The following ASIC2 variants were observed in gnomAD, a reference collection of about 807,000 sequenced individuals.
ASIC2 encodes acid sensing ion channel subunit 2, also known as acid-sensing ion channel 2.
Under a neutral mutation model 57.3 loss-of-function variants are expected in ASIC2, and 25 were observed. The ratio of observed to expected loss-of-function variants is 0.44; its 90% confidence interval spans 0.32 to 0.61. The LOEUF (loss-of-function observed/expected upper bound fraction) is 0.61. ASIC2 is among the 20% of genes least tolerant of loss of function. The probability of loss-of-function intolerance (pLI) is 0.06; values close to 1 mark genes in which losing one functional copy is unlikely to be tolerated. For missense variants in ASIC2, 641 were observed against 738.1 expected (o/e 0.87, Z 1.52); for synonymous variants, 319 against 307.5 (o/e 1.04, Z -0.39).
At chr17:33,310,006 G>A (rs1325245557) in intron 1 of ASIC2, among the ~76,000 whole-genome samples, 2 of 149,972 alleles carry the variant, frequency 1.3e-5, no homozygotes, top group Non-Finnish European at 3.0e-5. Flanking sequence ...TCAAAGTTGA[G>A]TAATAGAATA....
intron 1 of ASIC2, among the ~76,000 whole-genome samples, chr17:33,738,197 T>C (rs191402278): frequency 3.3e-5 from 5 of 152,298 alleles, no homozygotes; most frequent in African/African-American, 7.2e-5. Flanking sequence ...ATCTGGTCCA[T>C]ATTGCCACCC....
In ASIC2 at chr17:33,025,794, G is replaced by C. The variant is rs1053537149; in HGVS notation, c.1195+132C>G. ...TCCCATCCCTGCAGCAACTCCACCC[G>C]ACCAGCCCCTTTCTTCTCATCCTCT... On this transcript the variant is annotated intron_variant, in intron 5 of 9. Coordinates refer to ENST00000225823, the MANE Select transcript of ASIC2 (RefSeq NM_183377.2). The C allele has an allele frequency of 3.5e-6, 3 of 853,658 alleles. No homozygotes were observed. In the African/African-American group the frequency reaches 5.4e-5, roughly 15 times the overall value. The allele number at this position is 853,658 out of a possible 1,614,324, so 52.9% of individuals were successfully genotyped here. A position where few individuals can be genotyped will look rare whatever the true frequency, so the allele number is the denominator to read the frequency against.
intron 1 of ASIC2, among the ~76,000 whole-genome samples, chr17:33,324,194 G>C (rs1282818393): frequency 6.6e-6 from 1 of 152,184 alleles, no homozygotes; most frequent in Non-Finnish European, 1.5e-5. Flanking sequence ...ATTAAATCAA[G>C]CACTGTATTT....
intron 1 of ASIC2, among the ~76,000 whole-genome samples, chr17:33,231,880 A>G (rs1239768181): frequency 6.6e-6 from 1 of 152,174 alleles, no homozygotes; most frequent in Admixed American, 6.5e-5. Context: ...GGAGGGGGTG[A>G]GCAGGGAGCC....
intron 1 of ASIC2, among the ~76,000 whole-genome samples, chr17:34,028,993 G>T (rs1472413852): frequency 2.0e-5 from 3 of 152,094 alleles, no homozygotes; most frequent in African/African-American, 4.8e-5. Context: ...TCTTTAGATA[G>T]CCTTGTAGCT....
At chr17:33,263,522 C>T (rs990604368) in intron 1 of ASIC2, among the ~76,000 whole-genome samples, 2 of 152,216 alleles carry the variant, frequency 1.3e-5, no homozygotes, top group African/African-American at 4.8e-5. Context: ...GCAGCTGCTC[C>T]TCCCACTAGG....
At chr17:33,921,369 G>C (rs544343829) in intron 1 of ASIC2, among the ~76,000 whole-genome samples, 1 of 152,224 alleles carries the variant, frequency 6.6e-6, no homozygotes, top group Non-Finnish European at 1.5e-5. Flanking sequence ...TGATTAAACA[G>C]TATGGAAAAC....
intron 1 of ASIC2, among the ~76,000 whole-genome samples, chr17:33,727,189 A>G (rs192600955): frequency 2.3e-4 from 35 of 152,296 alleles, no homozygotes; most frequent in Non-Finnish European, 4.4e-5. Flanking sequence ...ATTAATGAAG[A>G]AACTATAGCT....
At chr17:34,035,950 TC>T (rs894118708) in intron 1 of ASIC2, among the ~76,000 whole-genome samples, 54 of 151,554 alleles carry the variant, frequency 3.6e-4, no homozygotes, top group African/African-American at 1.3e-3. Context: ...GTAAACTAGT[TC>T]AACCATTGTG....
intron 1 of ASIC2, among the ~76,000 whole-genome samples, chr17:33,408,967 C>T (rs942657807): frequency 1.7e-4 from 26 of 152,156 alleles, no homozygotes; most frequent in African/African-American, 6.3e-4. Context: ...TAATCCCAGA[C>T]CCTTGGGGGG....
chr17:33,658,628 T>C (rs1325740236), intron 1 of ASIC2, among the ~76,000 whole-genome samples: 1 of 152,168 alleles, frequency 6.6e-6, no homozygotes, highest in African/African-American at 2.4e-5. Context: ...CTGCACACGG[T>C]GGAAGGGGCA....
intron 1 of ASIC2, among the ~76,000 whole-genome samples, chr17:33,647,000 G>A (rs1246860456): frequency 6.6e-6 from 1 of 152,218 alleles, no homozygotes; most frequent in Admixed American, 6.5e-5. Context: ...TAGGTGGGAC[G>A]CACAGGAAGG....
At chr17:33,227,162 G>C (rs1350994956) in intron 1 of ASIC2, among the ~76,000 whole-genome samples, 1 of 152,220 alleles carries the variant, frequency 6.6e-6, no homozygotes, top group Non-Finnish European at 1.5e-5. Context: ...CCACTCTGTT[G>C]CCCAGCATAG....
upstream of ASIC2, among the ~76,000 whole-genome samples, chr17:33,296,384 T>A (rs1275325389): frequency 6.6e-6 from 1 of 152,112 alleles, no homozygotes; most frequent in African/African-American, 2.4e-5. Context: ...TTCTCAGAGG[T>A]ACTTGGACAC....
Position 33,032,440 on chromosome 17 carries a change from G to GTTTTTTTTTTTTT in ASIC2, c.988-4061_988-4049dup, listed in dbSNP as rs60183644. Among the ~76,000 whole-genome samples, 9 of 94,116 alleles carry GTTTTTTTTTTTTT rather than the reference G, an allele frequency of 9.6e-5. 1 individual carries two copies. The highest frequency in any genetic ancestry group is 2.8e-4 in the African/African-American group (6 of 21,322). The allele number at this position is 94,116 out of a possible 152,430, so 61.7% of individuals were successfully genotyped here. The stretch of plus-strand genomic sequence containing the variant: ...TCTGTTATAAGCACTATAATACACT[G>GTTTTTTTTTTTTT]TTTTTTTTTTTTTTTTTTTTTTTTT... On this transcript the variant is annotated intron_variant, in intron 3 of 9. Transcript: ENST00000225823.
chr17:33,582,663 A>G (rs1028532717), intron 1 of ASIC2, among the ~76,000 whole-genome samples: 1 of 152,194 alleles, frequency 6.6e-6, no homozygotes, highest in Non-Finnish European at 1.5e-5. Context: ...TATTCAGTAC[A>G]TATTTGCAAT....
At chr17:33,272,076 C>T (rs1904515140) in intron 1 of ASIC2, among the ~76,000 whole-genome samples, 1 of 152,196 alleles carries the variant, frequency 6.6e-6, no homozygotes, top group Admixed American at 6.5e-5. Context: ...CTAGGTCTTC[C>T]CTTGATTGCA....
At chr17:33,797,637 A>G (rs949850812) in intron 1 of ASIC2, among the ~76,000 whole-genome samples, 4 of 152,170 alleles carry the variant, frequency 2.6e-5, no homozygotes, top group East Asian at 1.9e-4. Flanking sequence ...GGTCCAACAG[A>G]TATTTTATTC....
chr17:33,654,183 G>A (rs1907008372), intron 1 of ASIC2, among the ~76,000 whole-genome samples: 2 of 152,238 alleles, frequency 1.3e-5, no homozygotes, highest in Admixed American at 1.3e-4. Context: ...AGGAGCTGGA[G>A]CTGTGCAGAA....
Sources: gnomAD v4.1 joint callset for allele counts (sites outside exome capture counted in the v4.1 genomes callset) on GRCh38, gnomAD v4.1.1 for gene constraint, MANE v1.5 for transcripts, NCBI Gene and HGNC (gene_info 2026-07-23, HGNC 2026-07-21) for gene names.